The following EPB41L3 variants were observed in gnomAD, a reference collection of about 807,000 sequenced individuals.
The protein encoded by EPB41L3 is band 4.1-like protein 3.
In EPB41L3, 57 loss-of-function variants were observed where a neutral mutation model predicts 127.1. That is an observed-to-expected ratio of 0.45 (90% CI 0.36 to 0.56). The LOEUF (loss-of-function observed/expected upper bound fraction) is 0.56. Among genes scored for constraint, EPB41L3 ranks in the 20% least tolerant of loss-of-function variants. The pLI is 0.00. For missense variants in EPB41L3, 1,273 were observed against 1,372.2 expected (o/e 0.93, Z 1.14); for synonymous variants, 572 against 549.5 (o/e 1.04, Z -0.57).
At chr18:5,565,338 G>T (rs1352560730) in intron 3 of EPB41L3, among the ~76,000 whole-genome samples, 1 of 152,136 alleles carries the variant, frequency 6.6e-6, no homozygotes, top group Non-Finnish European at 1.5e-5. Context: ...CTTGAACCCG[G>T]GAGGTGGAGG....
At chr18:5,495,761 G>A (rs758536045) in intron 1 of EPB41L3, among the ~76,000 whole-genome samples, 7 of 152,300 alleles carry the variant, frequency 4.6e-5, no homozygotes, top group Non-Finnish European at 7.4e-5. Flanking sequence ...TGGGTTCCGC[G>A]CCCAACTCTG....
intron 6 of EPB41L3, among the ~76,000 whole-genome samples, chr18:5,435,485 T>C (rs2079635552): frequency 6.6e-6 from 1 of 152,214 alleles, no homozygotes; most frequent in Non-Finnish European, 1.5e-5. Flanking sequence ...CACAAATACT[T>C]ACCATTGTGT....
chr18:5,501,151 C>A (rs2091709838), intron 1 of EPB41L3, among the ~76,000 whole-genome samples: 2 of 152,246 alleles, frequency 1.3e-5, no homozygotes, highest in East Asian at 1.9e-4. Flanking sequence ...AAAGCCAATT[C>A]TATCGCTACA....
At chr18:5,566,471 C>T (rs2048548252) in intron 3 of EPB41L3, among the ~76,000 whole-genome samples, 1 of 152,132 alleles carries the variant, frequency 6.6e-6, no homozygotes, top group Non-Finnish European at 1.5e-5. Context: ...AGGATACAAA[C>T]AAATGGAAGA....
At chr18:5,433,775 G>T in intron 7 of EPB41L3, 128 bp downstream of exon 7, 1 of 1,080,442 alleles carries the variant, frequency 9.3e-7, no homozygotes, top group Non-Finnish European at 1.4e-6. Context: ...ATTTTACTGT[G>T]CATGGACCCA....
chr18:5,477,733 C>T (rs2147889932), intron 3 of EPB41L3, among the ~76,000 whole-genome samples: 1 of 152,246 alleles, frequency 6.6e-6, no homozygotes, highest in Non-Finnish European at 1.5e-5. Context: ...AAAGGGTATA[C>T]CCTTTTACAC....
chr18:5,450,596 TTC>T (rs2082161480), intron 3 of EPB41L3, among the ~76,000 whole-genome samples: 1 of 151,976 alleles, frequency 6.6e-6, no homozygotes, highest in African/African-American at 2.4e-5. Context: ...CAAAAATACA[TTC>T]TTAGTTTAAA....
chr18:5,551,128 C>T (rs2093957711), intron 3 of EPB41L3, among the ~76,000 whole-genome samples: 1 of 152,118 alleles, frequency 6.6e-6, no homozygotes, highest in African/African-American at 2.4e-5. Context: ...ATCATTAAGT[C>T]TATTTTGGAA....
intron 3 of EPB41L3, among the ~76,000 whole-genome samples, chr18:5,473,341 T>A (rs760977821): frequency 3.1e-4 from 47 of 151,974 alleles, no homozygotes; most frequent in Non-Finnish European, 5.0e-4. Context: ...CCTACCACTC[T>A]TAGAGTAATG....
At chr18:5,429,519 G>T (rs2078688382) in intron 8 of EPB41L3, 1 of 152,224 alleles carries the variant, frequency 6.6e-6, no homozygotes, top group Non-Finnish European at 1.5e-5. Flanking sequence ...GACAGAAAGG[G>T]TCATGAGCTG....
intron 1 of EPB41L3, among the ~76,000 whole-genome samples, chr18:5,536,667 C>G (rs1183883517): frequency 4.0e-5 from 6 of 151,270 alleles, no homozygotes; most frequent in Admixed American, 3.3e-4. Flanking sequence ...AAAAAAATAG[C>G]TGGGCAGGGT....
At chr18:5,508,910 G>C (rs1175553959) in intron 1 of EPB41L3, among the ~76,000 whole-genome samples, 1 of 151,978 alleles carries the variant, frequency 6.6e-6, no homozygotes, top group African/African-American at 2.4e-5. Context: ...CTGCTTAATT[G>C]TGAGAACAAA....
intron 1 of EPB41L3, among the ~76,000 whole-genome samples, chr18:5,515,527 C>T (rs1456764437): frequency 6.6e-6 from 1 of 151,632 alleles, no homozygotes; most frequent in East Asian, 1.9e-4. Context: ...CAGTATTGAA[C>T]CAGTTACAAC....
intron 16 of EPB41L3, among the ~76,000 whole-genome samples, chr18:5,405,820 CAAAA>C (rs138889624): frequency 4.1e-5 from 6 of 146,690 alleles, no homozygotes; most frequent in Non-Finnish European, 4.5e-5. Flanking sequence ...AACTATGTCT[CAAAA>C]AAAAAAAAAA....
intron 6 of EPB41L3, 40 bp downstream of exon 6, chr18:5,437,995 C>G (rs779619193): frequency 2.5e-6 from 4 of 1,577,904 alleles, no homozygotes; most frequent in Middle Eastern, 1.7e-4. Flanking sequence ...GCACAACTCT[C>G]CCAATATGCT....
Position 5,419,849 on chromosome 18 carries a change from T to C in EPB41L3, c.1368A>G (p.Thr456=), listed in dbSNP as rs1006507815. 10 of 1,614,136 alleles carry C rather than the reference T, an allele frequency of 6.2e-6. No individual in the cohort carries two copies. The highest frequency in any genetic ancestry group is 1.3e-5 in the African/African-American group (1 of 74,936). The change falls in exon 12 of 23, where the codon ACA becomes ACG. Residue 456 remains threonine (T), a synonymous_variant. Coordinates refer to ENST00000341928, the MANE Select transcript of EPB41L3 (RefSeq NM_012307.5). ...GEVGTGQYAT[T]KGISQTNLIT... ...TCAAGTTGGTCTGAGAGATGCCTTT[T>C]GTTGTGGCGTACTGGCCAGTACCAA...
intron 4 of EPB41L3, 65 bp downstream of exon 4, chr18:5,445,075 G>T: frequency 1.6e-6 from 2 of 1,230,780 alleles, no homozygotes; most frequent in Non-Finnish European, 1.2e-6. Flanking sequence ...TTCAGTTTCA[G>T]TTCACTTTCT....
At chr18:5,555,457 C>A (rs1217915413) in intron 3 of EPB41L3, among the ~76,000 whole-genome samples, 1 of 152,126 alleles carries the variant, frequency 6.6e-6, no homozygotes, top group African/African-American at 2.4e-5. Flanking sequence ...GAATAAGTAG[C>A]ATGGCACGTT....
At chr18:5,566,406 G>A (rs1019233062) in intron 3 of EPB41L3, among the ~76,000 whole-genome samples, 4 of 152,146 alleles carry the variant, frequency 2.6e-5, no homozygotes, top group African/African-American at 9.7e-5. Context: ...ACTTACAAGG[G>A]ACGCGAAGGA....
Sources: allele counts gnomAD v4.1 joint callset (sites outside exome capture counted in the v4.1 genomes callset), GRCh38; gene constraint gnomAD v4.1.1; transcripts MANE v1.5; gene names NCBI Gene and HGNC (gene_info 2026-07-23, HGNC 2026-07-21).